Variants in PIGS observed in about 807,000 individuals in gnomAD.
PIGS encodes GPI-anchor transamidase component PIGS.
In PIGS, 37 loss-of-function variants were observed where a neutral mutation model predicts 58.2. That is an observed-to-expected ratio of 0.64 (90% CI 0.49 to 0.84). The LOEUF (loss-of-function observed/expected upper bound fraction) is 0.84, where lower values mean the gene tolerates loss of function less well. PIGS is among the 40% of genes least tolerant of loss of function. The pLI is 0.00. For synonymous variants in PIGS, 269 were observed against 289.2 expected (o/e 0.93, Z 0.71); for missense variants, 629 against 710.8 (o/e 0.88, Z 1.31).
chr17:28,559,154 C>A (rs910681694), intron 7 of PIGS, among the ~76,000 whole-genome samples: 6 of 151,722 alleles, frequency 4.0e-5, no homozygotes, highest in Admixed American at 2.0e-4. Flanking sequence ...TAATTTTTAT[C>A]TTTGTAGAGA....
Position 28,554,313 on chromosome 17 carries a change from G to C in PIGS, c.1575C>G (p.Leu525=). The stretch of plus-strand genomic sequence containing the variant: ...GGATGGGCACAGCCATAGGCAGGAA[G>C]AGTGGGATGTAGATGGCAAACTTCT... ...DDQKFAIYIP[L]FLPMAVPILL... is the part of the protein sequence containing the mutation. Residue 525 remains leucine, a synonymous_variant, in exon 12 of 12, where the codon CTC becomes CTG. Coordinates refer to ENST00000308360, the MANE Select transcript of PIGS (RefSeq NM_033198.4). 1 of 1,614,232 alleles carries C rather than the reference G, an allele frequency of 6.2e-7. No individual in the cohort carries two copies. The highest frequency in any genetic ancestry group is 1.3e-5 in the African/African-American group (1 of 75,052).
At chr17:28,559,994 C>A in intron 7 of PIGS, 55 bp downstream of exon 7, 2 of 1,545,424 alleles carry the variant, frequency 1.3e-6, no homozygotes, top group Non-Finnish European at 1.7e-6. Flanking sequence ...ACAGACTGCA[C>A]TTGTAAATAT....
chr17:28,565,365 C>T (rs1035681760), intron 3 of PIGS, among the ~76,000 whole-genome samples: 1 of 152,022 alleles, frequency 6.6e-6, no homozygotes. Flanking sequence ...GAATAGCATA[C>T]AAGGCCCCTA....
intron 3 of PIGS, among the ~76,000 whole-genome samples, chr17:28,569,884 C>T (rs2070416893): frequency 6.6e-6 from 1 of 152,190 alleles, no homozygotes; most frequent in Non-Finnish European, 1.5e-5. Flanking sequence ...TGGCACACAG[C>T]GAGCAACAAC....
Position 28,558,610 on chromosome 17 carries a change from T to C in PIGS, c.820-20A>G. ...AAGAATCTGTAGAGCAAACAGGGAGTGGTTACTTTGTTTAGATTTATATTC... is the reference window on the plus strand; with the variant it reads ...AAGAATCTGTAGAGCAAACAGGGAGCGGTTACTTTGTTTAGATTTATATTC... On this transcript the variant is annotated intron_variant, in intron 7 of 11. Transcript: ENST00000308360. The C allele has an allele frequency of 1.9e-6, 3 of 1,560,324 alleles. No homozygotes were observed. Among genetic ancestry groups the C allele is most frequent in the Non-Finnish European group, 1.8e-6 (2 of 1,141,586 alleles).
At chr17:28,557,009 C>A (rs1335753558) in intron 8 of PIGS, 37 bp from the exon 9 acceptor site, 3 of 1,611,798 alleles carry the variant, frequency 1.9e-6, no homozygotes, top group East Asian at 2.2e-5. Flanking sequence ...TCAAAACATG[C>A]TGGACCTGGA....
At chr17:28,554,567 C>T in intron 11 of PIGS, 72 bp from the exon 12 acceptor site, 1 of 1,515,368 alleles carries the variant, frequency 6.6e-7, no homozygotes, top group Non-Finnish European at 9.0e-7. Flanking sequence ...CTGGGCCTTA[C>T]TGTGCCTTCC....
At position 28,563,629 on chromosome 17, in the gene PIGS, TGGTCA is replaced by T. The variant is rs2070378170; in HGVS notation, c.377-112_377-108del. The T allele has an allele frequency of 3.2e-6, 4 of 1,235,450 alleles. No homozygotes were observed. In the Admixed American group the frequency reaches 7.4e-5, roughly 23 times the overall value. 76.5% of individuals were successfully genotyped at this position (1,235,450 alleles called of 1,614,324 possible). A position where few individuals can be genotyped will look rare whatever the true frequency, so the allele number is the denominator to read the frequency against. The stretch of plus-strand genomic sequence containing the variant: ...CTTCACTCACATTCAGCTGACACAG[TGGTCA>T]GGCTTGGGTAAGCCAATCAACCTCT... On this transcript the variant is annotated intron_variant, in intron 4 of 11. Coordinates refer to ENST00000308360, the MANE Select transcript of PIGS (RefSeq NM_033198.4).
At position 28,556,154 on chromosome 17, in the gene PIGS, C is replaced by T; in HGVS notation, c.1181+12G>A. 6.2e-7 allele frequency: 1 copy of T among 1,604,072 alleles called. No individual in the cohort carries two copies. Among genetic ancestry groups the T allele is most frequent in the South Asian group, 1.1e-5 (1 of 90,850 alleles). On this transcript the variant is annotated intron_variant, in intron 10 of 11. Transcript: ENST00000308360. Reference sequence around the variant, plus strand: ...GAGACTATGTCCCCAAGTGGATCATCCAGGACCTCACCGCAACTGTGCCAG... The same window carrying T: ...GAGACTATGTCCCCAAGTGGATCATTCAGGACCTCACCGCAACTGTGCCAG...
At chr17:28,555,175 C>T (rs899999249) in intron 10 of PIGS, 114 bp from the exon 11 acceptor site, 4 of 1,089,974 alleles carry the variant, frequency 3.7e-6, no homozygotes, top group Non-Finnish European at 2.6e-6. Context: ...TACCCAGAAC[C>T]ATAGGGGTTA....
chr17:28,558,945 C>G (rs942409654), intron 7 of PIGS, among the ~76,000 whole-genome samples: 1 of 152,176 alleles, frequency 6.6e-6, no homozygotes. Context: ...CGTGTTTTCC[C>G]TACAAGGAGA....
Position 28,570,944 on chromosome 17 carries a change from A to C in PIGS, c.194T>G (p.Val65Gly). ...NALQLRLMVP[V>G]TVVFTRESVP... ...TGACTCCCGCGTAAACACGACAGTG[A>C]CAGGCACCATGAGGCGGAGCTACAG... is the stretch of plus-strand genomic sequence containing the variant. The change falls in exon 3 of 12, where the codon GTC becomes GGC. Residue 65 changes from valine (V) to glycine (G), a missense_variant. By Grantham distance (109) the Val-to-Gly change is moderately radical. Coordinates refer to ENST00000308360, the MANE Select transcript of PIGS (RefSeq NM_033198.4). 1 of 1,614,240 alleles carries C rather than the reference A, an allele frequency of 6.2e-7. No individual in the cohort carries two copies. The highest frequency in any genetic ancestry group is 8.5e-7 in the Non-Finnish European group (1 of 1,180,038).
At position 28,563,494 on chromosome 17, in the gene PIGS, C is replaced by T; in HGVS notation, c.405G>A (p.Gln135=). ...CAGTCAGGGAGCCCTCCGCTTGTTC[C>T]TGAGGCTCATCTAACATGGCTTCTG... ...QEAEAMLDEP[Q]EQAEGSLTVY... is the part of the protein sequence containing the mutation. The change falls in exon 5 of 12, where the codon CAG becomes CAA. Residue 135 remains glutamine, a synonymous_variant. Coordinates refer to ENST00000308360, the MANE Select transcript of PIGS (RefSeq NM_033198.4). The T allele has an allele frequency of 6.2e-7, 1 of 1,614,058 alleles. No individual in the cohort carries two copies. The highest frequency in any genetic ancestry group is 8.5e-7 in the Non-Finnish European group (1 of 1,180,036).
In PIGS at chr17:28,571,497, G is replaced by C. The variant is rs1223350751; in HGVS notation, c.-1C>G. On this transcript the variant is annotated 5_prime_UTR_variant, in exon 1 of 12. Coordinates refer to ENST00000308360, the MANE Select transcript of PIGS (RefSeq NM_033198.4). ...TAGCCGCAGCCCCGGCGGCCGCCAT[G>C]CTAGCTTCCGGCTGCTCCGGCCACC... 6.2e-7 allele frequency: 1 copy of C among 1,606,346 alleles called. No individual in the cohort carries two copies. The highest frequency in any genetic ancestry group is 8.5e-7 in the Non-Finnish European group (1 of 1,176,756).
intron 3 of PIGS, among the ~76,000 whole-genome samples, chr17:28,565,607 T>G (rs1471275634): frequency 6.6e-6 from 1 of 152,316 alleles, no homozygotes; most frequent in East Asian, 1.9e-4. Flanking sequence ...GTCACTAATT[T>G]GGCCAGGTGT....
chr17:28,555,884 GC>G, intron 10 of PIGS: 1 of 295,962 alleles, frequency 3.4e-6, no homozygotes, highest in Non-Finnish European at 6.4e-6. Flanking sequence ...GCAGAGAATT[GC>G]TTGAACCCGG....
chr17:28,568,890 G>C (rs1004825888), intron 3 of PIGS, among the ~76,000 whole-genome samples: 1 of 151,808 alleles, frequency 6.6e-6, no homozygotes, highest in Non-Finnish European at 1.5e-5. Flanking sequence ...GAGGTCAGGA[G>C]TTTGAGACCA....
rs1332725876 is a variant in PIGS, at chr17:28,561,524, C to G, written c.574G>C (p.Ala192Pro). Residue 192 changes from alanine (A) to proline (P), a missense_variant, in exon 6 of 12, where the codon GCC becomes CCC. By Grantham distance (27) the Ala-to-Pro change is conservative (BLOSUM62 -1). Coordinates refer to ENST00000308360, the MANE Select transcript of PIGS (RefSeq NM_033198.4). ...AGCACATCCTCAGTCAAAGACATGG[C>G]CTGGGCCACCTGGACTATGCGGCGG... Reference protein sequence around the residue: ...IGRRIVQVAQAMSLTEDVLAA... With the variant: ...IGRRIVQVAQPMSLTEDVLAA... 6.2e-7 allele frequency: 1 copy of G among 1,614,058 alleles called. No homozygotes were observed.
chr17:28,566,586 C>G (rs1320019634), intron 3 of PIGS, among the ~76,000 whole-genome samples: 3 of 146,916 alleles, frequency 2.0e-5, no homozygotes, highest in Non-Finnish European at 3.0e-5. Context: ...CCACCGCGCC[C>G]AGCCTACTTT....
Sources: gnomAD v4.1 joint callset for allele counts (sites outside exome capture counted in the v4.1 genomes callset) on GRCh38, gnomAD v4.1.1 for gene constraint, MANE v1.5 for transcripts, NCBI Gene and HGNC (gene_info 2026-07-23, HGNC 2026-07-21) for gene names.